The following IL1RAPL1 variants were observed in gnomAD, a reference collection of about 807,000 sequenced individuals.
IL1RAPL1 encodes the protein interleukin-1 receptor accessory protein-like 1.
A neutral mutation model predicts 48.4 loss-of-function variants in IL1RAPL1; 3 were observed. The ratio of observed to expected loss-of-function variants is 0.06; its 90% confidence interval spans 0.03 to 0.16. The LOEUF (loss-of-function observed/expected upper bound fraction) is 0.16. IL1RAPL1 is among the 10% of genes least tolerant of loss of function. The pLI, the probability that IL1RAPL1 is intolerant of heterozygous loss-of-function variation, is 1.00. For synonymous variants in IL1RAPL1, 185 were observed against 187.7 expected, an observed-to-expected ratio of 0.99 and a Z score of 0.12; for missense variants, 349 against 530.6, an observed-to-expected ratio of 0.66 and a Z score of 3.36.
chrX:29,851,297 A>G (rs1470652157), intron 6 of IL1RAPL1, among the ~76,000 whole-genome samples: 1 of 111,768 alleles, frequency 8.9e-6, no homozygotes, highest in African/African-American at 3.3e-5. Flanking sequence ...AAAATATACA[A>G]TAAGCTCAGC....
At chrX:29,285,009 C>A (rs1257280583) in intron 3 of IL1RAPL1, among the ~76,000 whole-genome samples, 1 of 111,454 alleles carries the variant, frequency 9.0e-6, no homozygotes, top group Non-Finnish European at 1.9e-5. Flanking sequence ...ATTGTTCATG[C>A]ATGTCGTAAG....
chrX:29,480,731 T>A (rs1935033896), intron 5 of IL1RAPL1, among the ~76,000 whole-genome samples: 1 of 111,363 alleles, frequency 9.0e-6, no homozygotes, highest in Admixed American at 9.6e-5. Context: ...AGTTTGATGT[T>A]TATTATCTCC....
chrX:29,890,634 C>G (rs931283403), intron 6 of IL1RAPL1, among the ~76,000 whole-genome samples: 1 of 112,300 alleles, frequency 8.9e-6, no homozygotes, highest in Admixed American at 9.4e-5. Flanking sequence ...AAATGCAGAT[C>G]ACTAAATTAT....
At chrX:29,592,374 A>G (rs1923404369) in intron 5 of IL1RAPL1, among the ~76,000 whole-genome samples, 1 of 111,252 alleles carries the variant, frequency 9.0e-6, no homozygotes, top group Non-Finnish European at 1.9e-5. Flanking sequence ...CTTAGACCAT[A>G]TAGTAGCTTA....
intron 6 of IL1RAPL1, among the ~76,000 whole-genome samples, chrX:29,704,467 G>A (rs1162557627): frequency 9.0e-6 from 1 of 110,530 alleles, no homozygotes; most frequent in Non-Finnish European, 1.9e-5. Flanking sequence ...TCAGGAGTTT[G>A]AGACCAGCCT....
chrX:28,609,628 T>C (rs865990828), intron 1 of IL1RAPL1, among the ~76,000 whole-genome samples: 1 of 89,436 alleles, frequency 1.1e-5, no homozygotes, highest in Non-Finnish European at 2.2e-5. Flanking sequence ...TGCATGTTCT[T>C]ACACACACAC....
At chrX:28,838,922 G>A (rs1012722275) in intron 2 of IL1RAPL1, among the ~76,000 whole-genome samples, 1 of 111,024 alleles carries the variant, frequency 9.0e-6, no homozygotes, top group African/African-American at 3.3e-5. Context: ...AATTTTGAGA[G>A]TAAATTTATA....
chrX:29,653,901 C>CT (rs1555910472), intron 5 of IL1RAPL1, among the ~76,000 whole-genome samples: 2 of 93,475 alleles, frequency 2.1e-5, no homozygotes, highest in Middle Eastern at 5.6e-3. Context: ...AATTAGGGCT[C>CT]TTATTTATTT....
chrX:29,170,852 T>C (rs746045649), intron 2 of IL1RAPL1, among the ~76,000 whole-genome samples: 2 of 111,862 alleles, frequency 1.8e-5, no homozygotes, highest in East Asian at 5.6e-4. Flanking sequence ...CCTCCATTAT[T>C]GTATTAGATG....
intron 5 of IL1RAPL1, among the ~76,000 whole-genome samples, chrX:29,508,143 T>C (rs1316321095): frequency 8.9e-6 from 1 of 111,811 alleles, no homozygotes; most frequent in Non-Finnish European, 1.9e-5. Context: ...TATATCTCTG[T>C]CCTATAGAAA....
At chrX:29,458,420 A>G (rs1164315362) in intron 5 of IL1RAPL1, among the ~76,000 whole-genome samples, 1 of 104,013 alleles carries the variant, frequency 9.6e-6, no homozygotes, top group Admixed American at 1.0e-4. Context: ...CTACTGCCAA[A>G]TGGATACAAG....
At chrX:29,487,727 T>G (rs1412400129) in intron 5 of IL1RAPL1, among the ~76,000 whole-genome samples, 1 of 111,667 alleles carries the variant, frequency 9.0e-6, no homozygotes, top group African/African-American at 3.3e-5. Context: ...AAGGAGAAAA[T>G]CCAATCTATT....
intron 6 of IL1RAPL1, among the ~76,000 whole-genome samples, chrX:29,718,121 G>C (rs750728052): frequency 9.0e-6 from 1 of 111,515 alleles, no homozygotes; most frequent in African/African-American, 3.3e-5. Context: ...GGATAAGGTC[G>C]GCTAGAAGCA....
chrX:29,939,299 A>G (rs184907894), intron 8 of IL1RAPL1, among the ~76,000 whole-genome samples: 101 of 111,955 alleles, frequency 9.0e-4, no homozygotes, highest in Non-Finnish European at 1.2e-3. Context: ...TTAATATACT[A>G]AATTAGAAAA....
At chrX:29,489,289 C>T (rs1395552077) in intron 5 of IL1RAPL1, among the ~76,000 whole-genome samples, 1 of 73,028 alleles carries the variant, frequency 1.4e-5, no homozygotes, top group Non-Finnish European at 2.7e-5. Context: ...TTACATTGTA[C>T]ACTGTACATT....
intron 1 of IL1RAPL1, among the ~76,000 whole-genome samples, chrX:28,626,518 G>C (rs1292204107): frequency 1.8e-5 from 2 of 111,873 alleles, no homozygotes; most frequent in East Asian, 5.6e-4. Flanking sequence ...ACTCTTAGGA[G>C]TGAATTTCTT....
At position 29,947,740 on chromosome X, in the gene IL1RAPL1, A is replaced by AT. The variant is rs1469299469; in HGVS notation, c.1201+5954dup. ...CAAATCATTTAAAAACCTTATAGGGATTTTTTTTGGTGTTTTTTTTTTTTT... is the reference window on the plus strand; with the variant it reads ...CAAATCATTTAAAAACCTTATAGGGATTTTTTTTTGGTGTTTTTTTTTTTTT... On this transcript the variant is annotated intron_variant, in intron 9 of 10. Transcript: ENST00000378993. Among the ~76,000 whole-genome samples the AT allele has an allele frequency of 1.9e-4, 10 of 52,741 alleles. No homozygotes were observed. In the East Asian group the frequency reaches 2.1e-3, roughly 11 times the overall value. The allele number at this position is 52,741 out of a possible 115,157, so 45.8% of individuals were successfully genotyped here.
intron 5 of IL1RAPL1, among the ~76,000 whole-genome samples, chrX:29,579,069 A>T (rs1186048557): frequency 2.7e-5 from 3 of 111,486 alleles, no homozygotes; most frequent in Non-Finnish European, 5.6e-5. Flanking sequence ...TAACTAGTTA[A>T]CCTTGGCTTA....
chrX:28,859,398 T>G (rs778949741), intron 2 of IL1RAPL1, among the ~76,000 whole-genome samples: 1 of 111,446 alleles, frequency 9.0e-6, no homozygotes, highest in Non-Finnish European at 1.9e-5. Context: ...GAGTTGGGAC[T>G]ACAGGTGCGT....
Sources: allele counts gnomAD v4.1 joint callset (sites outside exome capture counted in the v4.1 genomes callset), GRCh38; gene constraint gnomAD v4.1.1; transcripts MANE v1.5; gene names NCBI Gene and HGNC (gene_info 2026-07-23, HGNC 2026-07-21).